The following HDAC9 variants were observed in gnomAD, a reference collection of about 807,000 sequenced individuals.
HDAC9 encodes the protein MEF-2 interacting transcription repressor (MITR) protein.
In HDAC9, 41 loss-of-function variants were observed where a neutral mutation model predicts 139.4. The ratio of observed to expected loss-of-function variants is 0.29; its 90% CI spans 0.23 to 0.38. The LOEUF (loss-of-function observed/expected upper bound fraction) is 0.38. Ranked by LOEUF, HDAC9 falls within the 10% of genes least tolerant of loss-of-function variation. HDAC9 has a pLI of 1.00. For synonymous variants in HDAC9, 517 were observed against 476.2 expected (o/e 1.09, Z -1.12); for missense variants, 1,147 against 1,297.0 (o/e 0.88, Z 1.78).
chr7:18,997,998 A>C lies in HDAC9; in HGVS notation c.*1936A>C, dbSNP rs1563121274. The C allele has an allele frequency of 2.0e-5, 3 of 152,166 alleles. No individual in the cohort carries two copies. The allele number at this position is 152,166 out of a possible 1,614,324, so 9.4% of individuals were successfully genotyped here. The stretch of plus-strand genomic sequence containing the variant: ...CATAGTAGTAATCAATTTTTTATAA[A>C]TTTTATTTTCATGAGAAATTCATAC... On this transcript the variant is annotated 3_prime_UTR_variant, in exon 26 of 26. Transcript: ENST00000686413.
intron 11 of HDAC9, among the ~76,000 whole-genome samples, chr7:18,661,254 T>A (rs1165942050): frequency 6.6e-6 from 1 of 152,112 alleles, no homozygotes; most frequent in African/African-American, 2.4e-5. Context: ...GCTCATGCAG[T>A]TGGGTAAAGC....
intron 1 of HDAC9, among the ~76,000 whole-genome samples, chr7:18,422,948 T>C (rs1319896651): frequency 2.0e-5 from 3 of 152,208 alleles, no homozygotes; most frequent in Non-Finnish European, 4.4e-5. Context: ...GTCCAAGGTA[T>C]GCCCTTAAAG....
chr7:18,170,509 G>A (rs1360923445), intron 2 of HDAC9, among the ~76,000 whole-genome samples: 1 of 152,072 alleles, frequency 6.6e-6, no homozygotes, highest in East Asian at 1.9e-4. Context: ...TAGTCATGAA[G>A]TCCTTGCCCA....
At chr7:18,379,319 A>G (rs1785240148) in intron 1 of HDAC9, among the ~76,000 whole-genome samples, 1 of 152,234 alleles carries the variant, frequency 6.6e-6, no homozygotes, top group South Asian at 2.1e-4. Context: ...CAGTAGAGAA[A>G]ACAATTAAGT....
intron 1 of HDAC9, among the ~76,000 whole-genome samples, chr7:18,351,136 A>G (rs181099495): frequency 6.6e-6 from 1 of 152,302 alleles, no homozygotes; most frequent in African/African-American, 2.4e-5. Context: ...ATTGCGTTAA[A>G]CATAATCACA....
intron 2 of HDAC9, among the ~76,000 whole-genome samples, chr7:18,185,392 G>A (rs554441992): frequency 1.3e-5 from 2 of 152,246 alleles, no homozygotes; most frequent in African/African-American, 2.4e-5. Context: ...TAATGTTGAG[G>A]ACTGCTATTA....
chr7:18,575,604 C>T, intron 2 of HDAC9, among the ~76,000 whole-genome samples: 1 of 152,170 alleles, frequency 6.6e-6, no homozygotes, highest in East Asian at 1.9e-4. Flanking sequence ...CAAAATGACA[C>T]CTTGGGTGGA....
At chr7:18,166,960 T>C (rs1446334298) in intron 2 of HDAC9, among the ~76,000 whole-genome samples, 1 of 152,202 alleles carries the variant, frequency 6.6e-6, no homozygotes, top group African/African-American at 2.4e-5. Context: ...TAGATGAGTA[T>C]GATCAGTTAG....
At chr7:18,651,048 T>C (rs1331706189) in intron 11 of HDAC9, among the ~76,000 whole-genome samples, 1 of 152,166 alleles carries the variant, frequency 6.6e-6, no homozygotes, top group Non-Finnish European at 1.5e-5. Context: ...CCTGAAATAT[T>C]CACAATAGAA....
chr7:18,893,846 A>G (rs1800922206), intron 22 of HDAC9, among the ~76,000 whole-genome samples: 1 of 152,130 alleles, frequency 6.6e-6, no homozygotes, highest in Non-Finnish European at 1.5e-5. Context: ...GAAGAGCTGA[A>G]GGTGATAAAG....
chr7:18,201,971 A>G (rs1460809304), intron 2 of HDAC9, among the ~76,000 whole-genome samples: 2 of 152,232 alleles, frequency 1.3e-5, no homozygotes, highest in Non-Finnish European at 2.9e-5. Flanking sequence ...TGGAAGATGA[A>G]TAATTTTTCC....
At chr7:18,724,807 C>T (rs950935146) in intron 12 of HDAC9, among the ~76,000 whole-genome samples, 6 of 152,094 alleles carry the variant, frequency 3.9e-5, no homozygotes, top group African/African-American at 9.7e-5. Flanking sequence ...AGGTTCTGCA[C>T]ACTAGCAAAG....
intron 1 of HDAC9, among the ~76,000 whole-genome samples, chr7:18,383,240 A>G (rs951446050): frequency 1.3e-5 from 2 of 152,218 alleles, no homozygotes; most frequent in African/African-American, 4.8e-5. Context: ...AAACCCAGAA[A>G]TCGATGTGCT....
At chr7:18,678,001 T>G (rs150344975) in intron 12 of HDAC9, among the ~76,000 whole-genome samples, 6 of 151,942 alleles carry the variant, frequency 3.9e-5, no homozygotes, top group African/African-American at 1.4e-4. Context: ...GAAGACAGGT[T>G]GAGTTTCATT....
At chr7:18,592,239 T>C (rs774696915) in intron 5 of HDAC9, among the ~76,000 whole-genome samples, 1 of 152,142 alleles carries the variant, frequency 6.6e-6, no homozygotes, top group Non-Finnish European at 1.5e-5. Context: ...AGTTTACCCC[T>C]GCCCACCTCA....
chr7:18,611,242 G>A (rs190738853), intron 6 of HDAC9, among the ~76,000 whole-genome samples: 1 of 152,030 alleles, frequency 6.6e-6, no homozygotes, highest in African/African-American at 2.4e-5. Flanking sequence ...ACACTGATAA[G>A]GGAACAGCAC....
chr7:18,956,426 T>A (rs1032496061), intron 24 of HDAC9, among the ~76,000 whole-genome samples: 1 of 152,116 alleles, frequency 6.6e-6, no homozygotes, highest in African/African-American at 2.4e-5. Context: ...ATCATATCTT[T>A]TTGTCTCTGA....
At chr7:18,200,274 A>G (rs1301995755) in intron 2 of HDAC9, among the ~76,000 whole-genome samples, 2 of 152,252 alleles carry the variant, frequency 1.3e-5, no homozygotes, top group African/African-American at 2.4e-5. Context: ...TTGAATCAGT[A>G]GTTGAAAACA....
chr7:18,280,771 T>TA (rs1193124290), intron 2 of HDAC9, among the ~76,000 whole-genome samples: 2 of 149,794 alleles, frequency 1.3e-5, no homozygotes, highest in South Asian at 2.1e-4. Context: ...TCAAAAAAAA[T>TA]AAATAAATAA....
Sources: gnomAD v4.1 joint callset for allele counts (sites outside exome capture counted in the v4.1 genomes callset) on GRCh38, gnomAD v4.1.1 for gene constraint, MANE v1.5 for transcripts, NCBI Gene and HGNC (gene_info 2026-07-23, HGNC 2026-07-21) for gene names.